The following MAGI1 variants were observed in gnomAD, a reference collection of about 807,000 sequenced individuals.
MAGI1 encodes membrane-associated guanylate kinase, WW and PDZ domain-containing protein 1.
Under a neutral mutation model 139.9 loss-of-function variants are expected in MAGI1, and 58 were observed. The ratio of observed to expected loss-of-function variants is 0.41; its 90% CI spans 0.34 to 0.52. The LOEUF (loss-of-function observed/expected upper bound fraction) is 0.52, where lower values mean the gene tolerates loss of function less well. MAGI1 is among the 20% of genes least tolerant of loss of function. The pLI is 0.12. For synonymous variants in MAGI1, 812 were observed against 737.9 expected, an observed-to-expected ratio of 1.10 and a Z score of -1.63; for missense variants, 1,874 against 1,901.6, an observed-to-expected ratio of 0.99 and a Z score of 0.27.
At chr3:65,819,489 G>C (rs1412012477) in intron 1 of MAGI1, among the ~76,000 whole-genome samples, 1 of 152,066 alleles carries the variant, frequency 6.6e-6, no homozygotes, top group Non-Finnish European at 1.5e-5. Context: ...GTTAGGGCTA[G>C]AGAGATCTTC....
At chr3:65,921,773 G>T (rs2062201933) in intron 1 of MAGI1, among the ~76,000 whole-genome samples, 1 of 152,050 alleles carries the variant, frequency 6.6e-6, no homozygotes, top group Non-Finnish European at 1.5e-5. Flanking sequence ...TCTGTAGCCT[G>T]CTAGTAAAAG....
chr3:65,380,904 A>G (rs1942997555), intron 16 of MAGI1: 1 of 151,904 alleles, frequency 6.6e-6, no homozygotes, highest in Admixed American at 6.6e-5. Context: ...TTAATCATAT[A>G]CCATTTAAAA....
In MAGI1 at chr3:65,381,987, T is replaced by G. The variant is rs1943091209; in HGVS notation, c.2591A>C (p.Asp864Ala). 1.2e-6 allele frequency: 2 copies of G among 1,614,026 alleles called. No homozygotes were observed. The highest frequency in any genetic ancestry group is 2.7e-5 in the African/African-American group (2 of 74,900). ...LRSGDELICV[D>A]GTPVIGKSHQ... ...TGATTTTCCAATTACTGGCGTCCCATCCACACAGATTAATTCATCTCCAGA... is the reference window on the plus strand; with the variant it reads ...TGATTTTCCAATTACTGGCGTCCCAGCCACACAGATTAATTCATCTCCAGA... Residue 864 changes from aspartate to alanine, a missense_variant, in exon 16 of 23, where the codon GAT becomes GCT. By Grantham distance (126) the Asp-to-Ala change is moderately radical. Coordinates refer to ENST00000402939, the MANE Select transcript of MAGI1 (RefSeq NM_001033057.2).
At chr3:65,399,539 C>T (rs754305085) in intron 13 of MAGI1, among the ~76,000 whole-genome samples, 33 of 152,296 alleles carry the variant, frequency 2.2e-4, no homozygotes, top group Non-Finnish European at 4.1e-4. Context: ...TAAGGACAAG[C>T]CCCAAGCTGG....
At chr3:65,577,047 T>C (rs973171443) in intron 2 of MAGI1, among the ~76,000 whole-genome samples, 16 of 152,178 alleles carry the variant, frequency 1.1e-4, no homozygotes, top group Non-Finnish European at 1.6e-4. Context: ...GCACATTAAG[T>C]TCGATCCACA....
chr3:65,663,375 G>A (rs936406905), intron 1 of MAGI1, among the ~76,000 whole-genome samples: 3 of 152,064 alleles, frequency 2.0e-5, no homozygotes, highest in African/African-American at 7.2e-5. Flanking sequence ...ACTGATAATG[G>A]TTTTACCGTG....
At chr3:65,423,771 G>A (rs1047882619) in intron 12 of MAGI1, among the ~76,000 whole-genome samples, 1 of 152,172 alleles carries the variant, frequency 6.6e-6, no homozygotes, top group South Asian at 2.1e-4. Flanking sequence ...AGCTAAGACT[G>A]TATTTACTTC....
At chr3:65,648,249 A>G (rs775225026) in intron 1 of MAGI1, among the ~76,000 whole-genome samples, 1 of 151,672 alleles carries the variant, frequency 6.6e-6, no homozygotes, top group Non-Finnish European at 1.5e-5. Flanking sequence ...AGCTCAAGCA[A>G]TCCTCCCACC....
At chr3:65,955,158 G>C (rs139789136) in intron 1 of MAGI1, among the ~76,000 whole-genome samples, 1 of 152,134 alleles carries the variant, frequency 6.6e-6, no homozygotes, top group Admixed American at 6.5e-5. Flanking sequence ...GAGACAGGGA[G>C]GAGGGGGGAA....
At chr3:65,941,143 C>T (rs1178912389) in intron 1 of MAGI1, among the ~76,000 whole-genome samples, 5 of 152,100 alleles carry the variant, frequency 3.3e-5, no homozygotes, top group East Asian at 1.9e-4. Context: ...GTCAGGAGTT[C>T]GAGACCAGCC....
chr3:65,597,419 T>C (rs1320727562), intron 2 of MAGI1, among the ~76,000 whole-genome samples: 1 of 151,088 alleles, frequency 6.6e-6, no homozygotes, highest in Non-Finnish European at 1.5e-5. Context: ...TCCTCCAGCA[T>C]CCCCTTCAAA....
chr3:65,488,287 A>G (rs563147904), intron 3 of MAGI1, among the ~76,000 whole-genome samples: 25 of 152,096 alleles, frequency 1.6e-4, no homozygotes, highest in Non-Finnish European at 3.4e-4. Flanking sequence ...GCTTTCTATA[A>G]GCTTCTGGAG....
intron 4 of MAGI1, among the ~76,000 whole-genome samples, chr3:65,477,725 A>T (rs9990026): frequency 0.033 from 3,169 of 95,312 alleles, 115 homozygotes; most frequent in African/African-American, 0.11. Context: ...TTTTTTTTTT[A>T]TTTATATTTT....
rs543807950 is a variant in MAGI1, at chr3:65,711,220, G to A, written c.314-89132C>T. 5.3e-5 allele frequency among the ~76,000 whole-genome samples: 8 copies of A among 152,198 alleles called. No homozygotes were observed. In the South Asian group the frequency reaches 1.7e-3, roughly 32 times the overall value. Reference sequence around the variant, plus strand: ...CTTCATGAAGCTTGCAGTCTAGAAGGGTTGAAATAATTACTAGTAAGAAAC... The same window carrying A: ...CTTCATGAAGCTTGCAGTCTAGAAGAGTTGAAATAATTACTAGTAAGAAAC... On this transcript the variant is annotated intron_variant, in intron 1 of 22. Coordinates refer to ENST00000402939, the MANE Select transcript of MAGI1 (RefSeq NM_001033057.2).
intron 1 of MAGI1, among the ~76,000 whole-genome samples, chr3:65,746,474 A>T (rs1192575595): frequency 1.3e-5 from 2 of 152,246 alleles, no homozygotes; most frequent in Non-Finnish European, 2.9e-5. Flanking sequence ...TATCAAACAT[A>T]ACTCAGAAAT....
Position 66,018,113 on chromosome 3 carries a change from T to TGGGG in MAGI1, c.313+19879_313+19882dup, listed in dbSNP as rs200952234. Reference sequence around the variant, plus strand: ...ACAAAGATAAGGAAGGACACTTTGGTGGGGGGGGGGGGTGTCTGCACATGC... The same window carrying TGGGG: ...ACAAAGATAAGGAAGGACACTTTGGTGGGGGGGGGGGGGGGGTGTCTGCACATGC... On this transcript the variant is annotated intron_variant, in intron 1 of 22. Coordinates refer to ENST00000402939, the MANE Select transcript of MAGI1 (RefSeq NM_001033057.2). Among the ~76,000 whole-genome samples the TGGGG allele has an allele frequency of 5.3e-3, 304 of 57,544 alleles. 5 individuals are homozygous for TGGGG. The highest frequency in any genetic ancestry group is 0.022 in the East Asian group (20 of 916). 37.8% of individuals were successfully genotyped at this position (57,544 alleles called of 152,430 possible). A position where few individuals can be genotyped will look rare whatever the true frequency, so the allele number is the denominator to read the frequency against.
chr3:66,024,554 C>T (rs894826309), intron 1 of MAGI1, among the ~76,000 whole-genome samples: 2 of 152,184 alleles, frequency 1.3e-5, no homozygotes, highest in African/African-American at 4.8e-5. Context: ...CGCCTGTAAT[C>T]CCAGCACTTT....
At chr3:65,588,873 G>A (rs2081823154) in intron 2 of MAGI1, among the ~76,000 whole-genome samples, 1 of 152,022 alleles carries the variant, frequency 6.6e-6, no homozygotes, top group Non-Finnish European at 1.5e-5. Context: ...TTTGATTATC[G>A]GGTTCCGTAA....
At chr3:65,876,745 CTT>C (rs1429265761) in intron 1 of MAGI1, among the ~76,000 whole-genome samples, 21 of 133,756 alleles carry the variant, frequency 1.6e-4, no homozygotes, top group Admixed American at 1.5e-4. Context: ...ATGTATCATG[CTT>C]TTTTTTTTTT....
Sources: allele counts gnomAD v4.1 joint callset (sites outside exome capture counted in the v4.1 genomes callset), GRCh38; gene constraint gnomAD v4.1.1; transcripts MANE v1.5; gene names NCBI Gene and HGNC (gene_info 2026-07-23, HGNC 2026-07-21).